The following SLC35D4 variants were observed in gnomAD, a reference collection of about 807,000 sequenced individuals.
SLC35D4 encodes the protein solute carrier family 35 member D4.
the SLC35D4 span, among the ~76,000 whole-genome samples, chr18:23,400,656 C>CT: frequency 6.6e-6 from 1 of 152,090 alleles, no homozygotes; most frequent in Non-Finnish European, 1.5e-5. Flanking sequence ...CATATTCAAT[C>CT]TACTAATTCA....
the SLC35D4 span, among the ~76,000 whole-genome samples, chr18:23,380,717 T>G: frequency 6.6e-6 from 1 of 152,142 alleles, no homozygotes; most frequent in Non-Finnish European, 1.5e-5. Context: ...TAAACTATAA[T>G]AAATAATTCT....
At chr18:23,282,705 A>C in the SLC35D4 span, among the ~76,000 whole-genome samples, 1 of 152,218 alleles carries the variant, frequency 6.6e-6, no homozygotes, top group Non-Finnish European at 1.5e-5. Flanking sequence ...GGCAATGCCC[A>C]GGAACAACTT....
chr18:23,409,578 C>A, the SLC35D4 span, among the ~76,000 whole-genome samples: 2 of 152,158 alleles, frequency 1.3e-5, no homozygotes, highest in African/African-American at 2.4e-5. Context: ...AGGTGGTTTA[C>A]GCCCTGTAAT....
chr18:23,408,816 CTTTTT>C, the SLC35D4 span, among the ~76,000 whole-genome samples: 2 of 114,834 alleles, frequency 1.7e-5, no homozygotes, highest in South Asian at 2.7e-4. Flanking sequence ...TCTTATCTCT[CTTTTT>C]TTTTTTTTTT....
At chr18:23,298,016 C>T in the SLC35D4 span, 1 of 1,613,544 alleles carries the variant, frequency 6.2e-7, no homozygotes, top group South Asian at 1.1e-5. Context: ...TTCAGGAGCT[C>T]TTCCGCTCTG....
the SLC35D4 span, among the ~76,000 whole-genome samples, chr18:23,341,402 G>A: frequency 6.6e-6 from 1 of 152,208 alleles, no homozygotes; most frequent in South Asian, 2.1e-4. Flanking sequence ...TGGAACTGAT[G>A]AAGTTGATGT....
the SLC35D4 span, among the ~76,000 whole-genome samples, chr18:23,369,738 A>G: frequency 1.3e-5 from 2 of 152,176 alleles, no homozygotes. Flanking sequence ...GAGTGGCCCA[A>G]ACAGCAAGAA....
chr18:23,427,575 T>G, the SLC35D4 span, among the ~76,000 whole-genome samples: 1 of 152,228 alleles, frequency 6.6e-6, no homozygotes, highest in African/African-American at 2.4e-5. Flanking sequence ...TTGGTGGGAC[T>G]GTAAACTAGT....
At chr18:23,270,975 G>A in the SLC35D4 span, among the ~76,000 whole-genome samples, 1 of 152,216 alleles carries the variant, frequency 6.6e-6, no homozygotes, top group Non-Finnish European at 1.5e-5. Context: ...GTGAGGACAT[G>A]AGATTTGGGA....
At chr18:23,356,643 C>A in the SLC35D4 span, 1 of 1,614,120 alleles carries the variant, frequency 6.2e-7, no homozygotes, top group South Asian at 1.1e-5. The surrounding 1 kb of genome is among the most constrained non-coding windows in gnomAD (Gnocchi z 4.1). Flanking sequence ...AATGGGAAGT[C>A]CAGGACGCTG....
the SLC35D4 span, among the ~76,000 whole-genome samples, chr18:23,300,907 CTAAA>C: frequency 1.3e-5 from 2 of 152,240 alleles, no homozygotes; most frequent in East Asian, 3.8e-4. Context: ...AAGCCTCCAT[CTAAA>C]TTTTACATTT....
At chr18:23,430,824 C>A in the SLC35D4 span, 1 of 712,088 alleles carries the variant, frequency 1.4e-6, no homozygotes, top group Non-Finnish European at 2.3e-6. Flanking sequence ...ACCAAAATCA[C>A]AAACTGGGCA....
At chr18:23,277,200 T>G in the SLC35D4 span, among the ~76,000 whole-genome samples, 1 of 152,162 alleles carries the variant, frequency 6.6e-6, no homozygotes, top group Non-Finnish European at 1.5e-5. Context: ...AATTCCCACA[T>G]GTTGGGGGAG....
chr18:23,386,698 T>C, the SLC35D4 span, among the ~76,000 whole-genome samples: 1 of 144,384 alleles, frequency 6.9e-6, no homozygotes, highest in African/African-American at 2.6e-5. Flanking sequence ...AAGTAAATAT[T>C]TGAATAACTG....
At chr18:23,248,021 C>T in the SLC35D4 span, among the ~76,000 whole-genome samples, 1 of 152,226 alleles carries the variant, frequency 6.6e-6, no homozygotes, top group Non-Finnish European at 1.5e-5. Context: ...CTGCAGACCC[C>T]AAGAGCTAGG....
the SLC35D4 span, among the ~76,000 whole-genome samples, chr18:23,274,074 A>G: frequency 6.6e-6 from 1 of 152,044 alleles, no homozygotes; most frequent in East Asian, 1.9e-4. Flanking sequence ...CTGGGACTAC[A>G]CAGGTGCACG....
chr18:23,424,896 G>A, the SLC35D4 span, among the ~76,000 whole-genome samples: 1 of 152,096 alleles, frequency 6.6e-6, no homozygotes, highest in African/African-American at 2.4e-5. Context: ...TATTAGGGAG[G>A]AGCTTGACAA....
At chr18:23,352,320 A>T in the SLC35D4 span, 1 of 1,580,712 alleles carries the variant, frequency 6.3e-7, no homozygotes. Context: ...CTTGTTAGTG[A>T]GGCTTGTCTT....
chr18:23,417,114 C>T, the SLC35D4 span, among the ~76,000 whole-genome samples: 2 of 152,052 alleles, frequency 1.3e-5, no homozygotes, highest in South Asian at 4.2e-4. Flanking sequence ...TGGTAGTGCA[C>T]ACGTGTAGTC....
Sources: allele counts gnomAD v4.1 joint callset (sites outside exome capture counted in the v4.1 genomes callset), GRCh38; gene constraint gnomAD v4.1.1; non-coding constraint Gnocchi (gnomAD v3.1); transcripts MANE v1.5; gene names NCBI Gene and HGNC (gene_info 2026-07-23, HGNC 2026-07-21).